ADARB1: variants seen among roughly 807,000 people sequenced by gnomAD.
ADARB1 encodes the protein adenosine deaminase RNA specific B1.
Under a neutral mutation model 52.4 loss-of-function variants are expected in ADARB1, and 10 were observed. That is an observed-to-expected ratio of 0.19 (90% CI 0.12 to 0.32). ADARB1 has a LOEUF of 0.32. Ranked by LOEUF, ADARB1 falls within the 10% of genes least tolerant of loss-of-function variation. The pLI is 1.00. For synonymous variants in ADARB1, 349 were observed against 371.1 expected (o/e 0.94, Z 0.68); for missense variants, 643 against 922.3 (o/e 0.70, Z 3.92).
chr21:45,159,902 G>A (rs993906810), intron 2 of ADARB1, among the ~76,000 whole-genome samples: 1 of 152,178 alleles, frequency 6.6e-6, no homozygotes, highest in Non-Finnish European at 1.5e-5. Flanking sequence ...ACTTCCATGC[G>A]CTGTGTGTCA....
intron 2 of ADARB1, among the ~76,000 whole-genome samples, chr21:45,137,610 A>C (rs2089465914): frequency 6.6e-6 from 1 of 152,256 alleles, no homozygotes; most frequent in South Asian, 2.1e-4. Context: ...GTCTGCGTTC[A>C]GTGATGGAGC....
Position 45,224,201 on chromosome 21 carries a change from T to G in ADARB1, c.*2004T>G, listed in dbSNP as rs1191524727. 2.0e-6 allele frequency: 2 copies of G among 985,300 alleles called. No homozygotes were observed. The highest frequency in any genetic ancestry group is 1.2e-4 in the Admixed American group (2 of 16,270). 61.0% of individuals were successfully genotyped at this position (985,300 alleles called of 1,614,324 possible). On this transcript the variant is annotated 3_prime_UTR_variant, in exon 11 of 11. Transcript: ENST00000348831. Reference sequence around the variant, plus strand: ...ACTTCGTTTTTAAAAATATGTGGATTTTGGTTACCAAGTTTAGTGTTAATA... The same window carrying G: ...ACTTCGTTTTTAAAAATATGTGGATGTTGGTTACCAAGTTTAGTGTTAATA...
chr21:45,146,982 A>T (rs1319272726), intron 2 of ADARB1, among the ~76,000 whole-genome samples: 1 of 152,134 alleles, frequency 6.6e-6, no homozygotes, highest in Non-Finnish European at 1.5e-5. Context: ...GGCTGGAGAG[A>T]CAGTGCAGCT....
chr21:45,076,009 G>A (rs978670848), intron 1 of ADARB1, among the ~76,000 whole-genome samples: 1 of 152,072 alleles, frequency 6.6e-6, no homozygotes, highest in Non-Finnish European at 1.5e-5. Flanking sequence ...AAATTTTGCC[G>A]TATGTTTTAT....
At chr21:45,088,198 G>A (rs924139822) in intron 1 of ADARB1, among the ~76,000 whole-genome samples, 4 of 152,176 alleles carry the variant, frequency 2.6e-5, no homozygotes, top group Non-Finnish European at 4.4e-5. Context: ...AGCCTTGTCC[G>A]TTGGGAAGAC....
chr21:45,077,490 C>A (rs2085986663), intron 1 of ADARB1, among the ~76,000 whole-genome samples: 1 of 151,930 alleles, frequency 6.6e-6, no homozygotes, highest in South Asian at 2.1e-4. Context: ...ACGGTGAAAA[C>A]CCGTCTCTAC....
intron 8 of ADARB1, among the ~76,000 whole-genome samples, chr21:45,186,943 T>C (rs1476280194): frequency 6.6e-6 from 1 of 152,238 alleles, no homozygotes; most frequent in Non-Finnish European, 1.5e-5. Context: ...TTGTAATATG[T>C]TTTGAAATGA....
rs187459163 is a variant in ADARB1, at chr21:45,135,075, G to A, written c.-48+6502G>A. Among the ~76,000 whole-genome samples the A allele has an allele frequency of 1.8e-3, 274 of 152,328 alleles. 3 individuals carry two copies. The highest frequency in any genetic ancestry group is 2.1e-4 in the Non-Finnish European group (14 of 68,026). On this transcript the variant is annotated intron_variant, in intron 2 of 10. Transcript: ENST00000348831. The stretch of plus-strand genomic sequence containing the variant: ...AACAGAAAAGGAAGAATCTGCAACA[G>A]AGACCATAAGTGGTCTGCAAAGCCA...
At chr21:45,160,515 A>G (rs1309085362) in intron 2 of ADARB1, among the ~76,000 whole-genome samples, 3 of 152,224 alleles carry the variant, frequency 2.0e-5, no homozygotes, top group African/African-American at 7.2e-5. Context: ...CTTTGCCATG[A>G]TGATTGTGTT....
intron 8 of ADARB1, among the ~76,000 whole-genome samples, chr21:45,188,943 T>C (rs1488891625): frequency 6.6e-6 from 1 of 152,214 alleles, no homozygotes; most frequent in East Asian, 1.9e-4. Flanking sequence ...CATGGCAGAA[T>C]GTGAAAGGCA....
chr21:45,105,959 A>G (rs1420000720), intron 1 of ADARB1, among the ~76,000 whole-genome samples: 1 of 152,202 alleles, frequency 6.6e-6, no homozygotes, highest in Non-Finnish European at 1.5e-5. Context: ...TGCTAGTGAT[A>G]GTGTTGTCTT....
Position 45,183,517 on chromosome 21 carries a change from G to T in ADARB1, c.1396+7G>T. 1 of 1,611,118 alleles carries T rather than the reference G, an allele frequency of 6.2e-7. No homozygotes were observed. Among genetic ancestry groups the T allele is most frequent in the Non-Finnish European group, 8.5e-7 (1 of 1,179,302 alleles). ...CATGAGCCAATCCTGGAAGGTATGA[G>T]ACGAGATTCTTCAACAAGCCAGTTT... On this transcript the variant is annotated splice_region_variant and intron_variant, in intron 7 of 10. Transcript: ENST00000348831.
At position 45,222,296 on chromosome 21, in the gene ADARB1, A is replaced by C; in HGVS notation, c.*99A>C. 1 of 854,002 alleles carries C rather than the reference A, an allele frequency of 1.2e-6. No individual in the cohort carries two copies. Among genetic ancestry groups the C allele is most frequent in the Non-Finnish European group, 1.6e-6 (1 of 635,164 alleles). 52.9% of individuals were successfully genotyped at this position (854,002 alleles called of 1,614,324 possible). On this transcript the variant is annotated 3_prime_UTR_variant, in exon 11 of 11. Transcript: ENST00000348831. ...CTGGGGGCAGGTGCATACCTTGGGG[A>C]GGGAGTAGGGGGACACGGGGGACCA... is the stretch of plus-strand genomic sequence containing the variant.
rs200577443 is a variant in ADARB1, at chr21:45,212,867, CAA to C, written c.1748-7968_1748-7967del. 2.1e-3 allele frequency among the ~76,000 whole-genome samples: 315 copies of C among 152,122 alleles called. 2 individuals are homozygous for C. The highest frequency in any genetic ancestry group is 0.011 in the East Asian group (55 of 5,166). On this transcript the variant is annotated intron_variant, in intron 9 of 10. Coordinates refer to ENST00000348831, the MANE Select transcript of ADARB1 (RefSeq NM_001112.4). ...CAACTGAAAGAAACAATTTAGAAAA[CAA>C]GAGAAATAAGTAATGATAAATCTTA...
At chr21:45,085,026 T>G (rs1300032002) in intron 1 of ADARB1, among the ~76,000 whole-genome samples, 2 of 152,208 alleles carry the variant, frequency 1.3e-5, no homozygotes, top group African/African-American at 4.8e-5. Flanking sequence ...AGTACCTGGT[T>G]ACCCTGGGAT....
Position 45,128,503 on chromosome 21 carries a change from C to G in ADARB1, c.-118C>G, listed in dbSNP as rs1343736660. On this transcript the variant is annotated 5_prime_UTR_variant, in exon 2 of 11. Coordinates refer to ENST00000348831, the MANE Select transcript of ADARB1 (RefSeq NM_001112.4). The surrounding 1 kb of genome is among the most constrained non-coding windows in gnomAD (Gnocchi z 4.6). ...CTTACTTCAGTCCTGCTGAGATACTCTCTCAGTCCGCTCGCACCGAAGGAA... is the reference window on the plus strand; with the variant it reads ...CTTACTTCAGTCCTGCTGAGATACTGTCTCAGTCCGCTCGCACCGAAGGAA... The G allele has an allele frequency of 6.6e-6, 1 of 152,232 alleles. No individual in the cohort carries two copies. Among genetic ancestry groups the G allele is most frequent in the Non-Finnish European group, 1.5e-5 (1 of 68,050 alleles). 9.4% of individuals were successfully genotyped at this position (152,232 alleles called of 1,614,324 possible).
intron 8 of ADARB1, among the ~76,000 whole-genome samples, chr21:45,199,663 A>G (rs575281424): frequency 1.3e-5 from 2 of 152,358 alleles, no homozygotes; most frequent in South Asian, 2.1e-4. Flanking sequence ...GAAAACCCCA[A>G]TTATAAAGAA....
intron 1 of ADARB1, among the ~76,000 whole-genome samples, chr21:45,090,988 G>A (rs1206514745): frequency 6.6e-6 from 1 of 152,224 alleles, no homozygotes; most frequent in East Asian, 1.9e-4. Flanking sequence ...TAAATGTTGG[G>A]CATTGCTGCC....
At chr21:45,217,992 T>C (rs763886197) in intron 9 of ADARB1, among the ~76,000 whole-genome samples, 1 of 152,200 alleles carries the variant, frequency 6.6e-6, no homozygotes, top group Non-Finnish European at 1.5e-5. Context: ...CTCTTAATAC[T>C]AGTGTTGAAC....
Sources: gnomAD v4.1 joint callset for allele counts (sites outside exome capture counted in the v4.1 genomes callset) on GRCh38, gnomAD v4.1.1 for gene constraint, Gnocchi (gnomAD v3.1) non-coding constraint, MANE v1.5 for transcripts, NCBI Gene and HGNC (gene_info 2026-07-23, HGNC 2026-07-21) for gene names.